The following C3orf22 variants were observed in gnomAD, a reference collection of about 807,000 sequenced individuals.
C3orf22 encodes uncharacterized protein C3orf22.
Under a neutral mutation model 10.8 loss-of-function variants are expected in C3orf22, and 7 were observed. The ratio of observed to expected loss-of-function variants is 0.65; its 90% CI spans 0.37 to 1.22. The LOEUF is 1.22. C3orf22 is among the 50% of genes most tolerant of loss of function. The pLI is 0.02. For synonymous variants in C3orf22, 79 were observed against 78.9 expected (o/e 1.00, Z 0.00); for missense variants, 173 against 177.0 (o/e 0.98, Z 0.13).
chr3:126,547,243 T>C (rs1937083994), downstream of C3orf22, among the ~76,000 whole-genome samples: 1 of 152,182 alleles, frequency 6.6e-6, no homozygotes, highest in African/African-American at 2.4e-5. Flanking sequence ...TGTGTGAGCA[T>C]TTCTAAAGTT....
In C3orf22 at chr3:126,552,125, G is replaced by A; in HGVS notation, c.90-3C>T. ...CGGGCTCTGTCAGCCACGACAACCTGCAACAGCACTTGGAATGTCAACATG... is the reference window on the plus strand; with the variant it reads ...CGGGCTCTGTCAGCCACGACAACCTACAACAGCACTTGGAATGTCAACATG... On this transcript the variant is annotated splice_region_variant and splice_polypyrimidine_tract_variant and intron_variant, in intron 2 of 3. Coordinates refer to ENST00000318225, the MANE Select transcript of C3orf22 (RefSeq NM_152533.3). The A allele has an allele frequency of 6.2e-7, 1 of 1,613,598 alleles. No homozygotes were observed. The highest frequency in any genetic ancestry group is 8.5e-7 in the Non-Finnish European group (1 of 1,179,864).
chr3:126,542,083 C>T (rs1407925340), intron 4 of C3orf22: 2 of 1,584,172 alleles, frequency 1.3e-6, no homozygotes, highest in Non-Finnish European at 8.6e-7. Flanking sequence ...GGGAGCCCTT[C>T]GAGCGCCTGG....
At chr3:126,557,894 C>T (rs746438460) in intron 1 of C3orf22, among the ~76,000 whole-genome samples, 5 of 152,240 alleles carry the variant, frequency 3.3e-5, no homozygotes, top group Admixed American at 2.0e-4. Context: ...TGGTGGCCTC[C>T]GCCCCTGCAG....
At chr3:126,556,169 C>T (rs1937324305) in intron 1 of C3orf22, among the ~76,000 whole-genome samples, 1 of 152,216 alleles carries the variant, frequency 6.6e-6, no homozygotes, top group East Asian at 1.9e-4. Context: ...GGCCCATGCA[C>T]AGCACCTCTG....
At chr3:126,539,183 C>T (rs1873395) in intron 4 of C3orf22, among the ~76,000 whole-genome samples, 17,059 of 152,240 alleles carry the variant, frequency 0.11, 1,511 homozygotes, top group African/African-American at 0.25. Context: ...CCACCACCTA[C>T]TCCCACCTGG....
intron 4 of C3orf22, among the ~76,000 whole-genome samples, chr3:126,529,533 C>T (rs1423935224): frequency 2.5e-4 from 38 of 152,132 alleles, no homozygotes; most frequent in Admixed American, 2.5e-3. Flanking sequence ...AGTTTCTTTG[C>T]CTCAGTTTCC....
intron 4 of C3orf22, chr3:126,542,422 G>A (rs1243332723): frequency 6.4e-7 from 1 of 1,551,790 alleles, no homozygotes; most frequent in Non-Finnish European, 8.7e-7. Context: ...GCTTCCCTGG[G>A]CCGCCGCGGC....
At chr3:126,539,736 A>G in intron 4 of C3orf22, among the ~76,000 whole-genome samples, 2 of 103,774 alleles carry the variant, frequency 1.9e-5, no homozygotes, top group Admixed American at 9.6e-5. Flanking sequence ...CACACCACAC[A>G]CACACCCCAC....
chr3:126,554,178 C>T (rs1431352565), intron 1 of C3orf22, among the ~76,000 whole-genome samples: 1 of 151,912 alleles, frequency 6.6e-6, no homozygotes, highest in African/African-American at 2.4e-5. Context: ...CCATGCCCCA[C>T]TAATTATATA....
At chr3:126,556,279 G>T (rs1937327451) in intron 1 of C3orf22, among the ~76,000 whole-genome samples, 1 of 152,128 alleles carries the variant, frequency 6.6e-6, no homozygotes, top group African/African-American at 2.4e-5. Flanking sequence ...TCACCAATGA[G>T]GGCAGGGAAT....
At position 126,552,035 on chromosome 3, in the gene C3orf22, C is replaced by T; in HGVS notation, c.177G>A (p.Gln59=). ...TGGACCTCGTTGGCACCAACCTCTT[C>T]TGCAGGGGCAGCTGCACCGTGTTCG... ...NDSNTVQLPL[Q]KRLVPTRSIP... is the part of the protein sequence containing the mutation. Residue 59 remains glutamine, a synonymous_variant, in exon 3 of 4, where the codon CAG becomes CAA. Coordinates refer to ENST00000318225, the MANE Select transcript of C3orf22 (RefSeq NM_152533.3). 6.2e-7 allele frequency: 1 copy of T among 1,613,766 alleles called. No individual in the cohort carries two copies.
At chr3:126,547,885 T>G (rs1312107719), downstream of C3orf22, among the ~76,000 whole-genome samples, 3 of 152,080 alleles carry the variant, frequency 2.0e-5, no homozygotes, top group Non-Finnish European at 4.4e-5. Flanking sequence ...CAAAAGAGAA[T>G]GGACACATCA....
chr3:126,536,769 C>T (rs988215198), intron 4 of C3orf22, among the ~76,000 whole-genome samples: 40 of 151,872 alleles, frequency 2.6e-4, no homozygotes, highest in Admixed American at 7.9e-4. Flanking sequence ...GGCTGGCCCA[C>T]ACACCTAACT....
At chr3:126,547,058 T>TGCAG (rs1478023564), downstream of C3orf22, among the ~76,000 whole-genome samples, 2 of 152,210 alleles carry the variant, frequency 1.3e-5, no homozygotes, top group Non-Finnish European at 2.9e-5. Flanking sequence ...TGAGTGTGAC[T>TGCAG]GCAGGATAAA....
chr3:126,554,235 AT>A (rs1324103130), intron 1 of C3orf22, among the ~76,000 whole-genome samples: 2 of 142,886 alleles, frequency 1.4e-5, no homozygotes, highest in Admixed American at 7.1e-5. Flanking sequence ...CTGTACATAC[AT>A]TTTTTGTTTG....
chr3:126,529,310 C>T (rs773600737), exon 5 of C3orf22: 8 of 1,288,266 alleles, frequency 6.2e-6, no homozygotes, highest in Non-Finnish European at 8.1e-6. Flanking sequence ...TTGAGCAGCT[C>T]TCTCTGCTCT....
At chr3:126,530,081 G>GC (rs1346427055) in intron 4 of C3orf22, among the ~76,000 whole-genome samples, 2 of 152,238 alleles carry the variant, frequency 1.3e-5, no homozygotes, top group Non-Finnish European at 1.5e-5. Flanking sequence ...GCCAAGTCAG[G>GC]ATTGGACCCA....
chr3:126,542,393 G>T, intron 4 of C3orf22: 1 of 1,556,474 alleles, frequency 6.4e-7, no homozygotes, highest in Non-Finnish European at 8.7e-7. Flanking sequence ...GCTGGGCCTG[G>T]CGGGCGCATC....
intron 4 of C3orf22, chr3:126,542,341 C>T (rs374084728): frequency 6.4e-7 from 1 of 1,566,376 alleles, no homozygotes; most frequent in Non-Finnish European, 8.6e-7. Context: ...GCTACGACGT[C>T]GTGGGCAAGT....
Sources: allele counts gnomAD v4.1 joint callset (sites outside exome capture counted in the v4.1 genomes callset), GRCh38; gene constraint gnomAD v4.1.1; transcripts MANE v1.5; gene names NCBI Gene and HGNC (gene_info 2026-07-23, HGNC 2026-07-21).